ABL2: variants seen among roughly 807,000 people sequenced by gnomAD.
ABL2 encodes tyrosine-protein kinase ABL2.
Under a neutral mutation model 107.7 loss-of-function variants are expected in ABL2, and 49 were observed. The observed-to-expected ratio is 0.45, with a 90% confidence interval of 0.36 to 0.58. The LOEUF (loss-of-function observed/expected upper bound fraction) is 0.58. Ranked by LOEUF, ABL2 falls within the 20% of genes least tolerant of loss-of-function variation. The pLI, the probability that ABL2 is intolerant of heterozygous loss-of-function variation, is 0.00. For synonymous variants in ABL2, 549 were observed against 548.6 expected, an observed-to-expected ratio of 1.00 and a Z score of -0.01; for missense variants, 1,245 against 1,457.0, an observed-to-expected ratio of 0.85 and a Z score of 2.37.
At chr1:179,174,765 C>T (rs1053931948) in intron 1 of ABL2, among the ~76,000 whole-genome samples, 3 of 150,978 alleles carry the variant, frequency 2.0e-5, no homozygotes, top group African/African-American at 7.3e-5. Context: ...AGTGTTGGCA[C>T]GCACCTGTAA....
intron 6 of ABL2, 74 bp from the exon 7 acceptor site, chr1:179,118,838 A>AT: frequency 6.7e-7 from 1 of 1,503,004 alleles, no homozygotes; most frequent in South Asian, 1.2e-5. Context: ...GCCAAGAATA[A>AT]TTTGACAATT....
At chr1:179,143,766 G>C (rs953662061) in intron 1 of ABL2, among the ~76,000 whole-genome samples, 2 of 152,146 alleles carry the variant, frequency 1.3e-5, no homozygotes, top group Admixed American at 6.5e-5. Flanking sequence ...GCGCGATCTC[G>C]GCTCACTGCA....
Position 179,229,353 on chromosome 1 carries a change from C to T in ABL2, c.45G>A (p.Gln15=). 1.9e-6 allele frequency: 3 copies of T among 1,582,274 alleles called. No individual in the cohort carries two copies. Among genetic ancestry groups the T allele is most frequent in the East Asian group, 2.4e-5 (1 of 42,354 alleles). The change falls in exon 1 of 12, where the codon CAG becomes CAA. Residue 15 remains glutamine, a synonymous_variant. Coordinates refer to ENST00000502732, the MANE Select transcript of ABL2 (RefSeq NM_007314.4). ...CCCGGATCCCGCGGGGCTGAGGCTG[C>T]TGGAGCCCCGGAGCTTCCCCGACGC... ...VGRVGEAPGL[Q]QPQPRGIRGS...
chr1:179,203,911 C>A (rs1053789411), intron 1 of ABL2, among the ~76,000 whole-genome samples: 1 of 152,136 alleles, frequency 6.6e-6, no homozygotes, highest in African/African-American at 2.4e-5. Flanking sequence ...TATTTAACAT[C>A]CCAGTAATTC....
At chr1:179,113,580 A>G (rs868696249) in intron 9 of ABL2, among the ~76,000 whole-genome samples, 12 of 152,258 alleles carry the variant, frequency 7.9e-5, no homozygotes, top group African/African-American at 2.9e-4. Flanking sequence ...CGGGCAGATC[A>G]CTTGAGACCA....
intron 1 of ABL2, among the ~76,000 whole-genome samples, chr1:179,205,088 G>A (rs572880773): frequency 6.6e-5 from 10 of 150,484 alleles, no homozygotes; most frequent in Non-Finnish European, 8.9e-5. Context: ...GTGCAGTGGC[G>A]TGATCTTGGC....
intron 1 of ABL2, among the ~76,000 whole-genome samples, chr1:179,147,097 T>C (rs559496655): frequency 7.5e-6 from 1 of 133,200 alleles, no homozygotes; most frequent in East Asian, 2.3e-4. Context: ...GCTAAGAACA[T>C]GAACAGACAT....
intron 1 of ABL2, among the ~76,000 whole-genome samples, chr1:179,143,831 C>T (rs1043891288): frequency 4.6e-5 from 7 of 151,932 alleles, no homozygotes; most frequent in East Asian, 3.9e-4. Context: ...CAGGTGACTG[C>T]GATTACAGGC....
chr1:179,109,494 C>T, intron 11 of ABL2, 53 bp from the exon 12 acceptor site: 3 of 1,547,154 alleles, frequency 1.9e-6, no homozygotes, highest in South Asian at 1.3e-5. Flanking sequence ...GAATCTATTA[C>T]ATTTGAGTTA....
rs1655226691 is a variant in ABL2, at chr1:179,121,834, A to G, written c.721T>C (p.Leu241=). 9 of 1,612,884 alleles carry G rather than the reference A, an allele frequency of 5.6e-6. No individual in the cohort carries two copies. Among genetic ancestry groups the G allele is most frequent in the Non-Finnish European group, 7.6e-6 (9 of 1,179,472 alleles). Residue 241 remains leucine, a synonymous_variant, in exon 5 of 12, where the codon TTG becomes CTG. Transcript: ENST00000502732. ...YVTAESRFST[L]AELVHHHSTV... The stretch of plus-strand genomic sequence containing the variant: ...GAGTGATGGTGTACAAGCTCTGCCA[A>G]GGTGCTGAAGCGGCTCTCAGCAGTC...
At chr1:179,144,061 A>C (rs1240986717) in intron 1 of ABL2, among the ~76,000 whole-genome samples, 1 of 152,238 alleles carries the variant, frequency 6.6e-6, no homozygotes, top group Non-Finnish European at 1.5e-5. Flanking sequence ...AAAGTTAAAG[A>C]AAATTTAAAA....
At chr1:179,134,576 C>A (rs977405286) in intron 1 of ABL2, among the ~76,000 whole-genome samples, 1 of 152,134 alleles carries the variant, frequency 6.6e-6, no homozygotes, top group Non-Finnish European at 1.5e-5. Context: ...CCTATACTTA[C>A]AGTAGGAAAC....
intron 1 of ABL2, among the ~76,000 whole-genome samples, chr1:179,168,784 G>GTAT (rs987480984): frequency 5.3e-5 from 8 of 152,128 alleles, no homozygotes; most frequent in Admixed American, 6.5e-5. Flanking sequence ...TTTTAAGGAA[G>GTAT]TATGTGAACA....
At chr1:179,124,796 AC>A (rs2102641358) in intron 4 of ABL2, among the ~76,000 whole-genome samples, 1 of 152,184 alleles carries the variant, frequency 6.6e-6, no homozygotes, top group African/African-American at 2.4e-5. Flanking sequence ...ACAGAATCAC[AC>A]AATATGTATT....
At chr1:179,196,374 C>T (rs559948783) in intron 1 of ABL2, 1 of 152,200 alleles carries the variant, frequency 6.6e-6, no homozygotes, top group East Asian at 1.9e-4. Flanking sequence ...CATTTACAAG[C>T]CACAAATATG....
rs191264134 is a variant in ABL2, at chr1:179,139,906, C to T, written c.158-6532G>A. On this transcript the variant is annotated intron_variant, in intron 1 of 11. Coordinates refer to ENST00000502732, the MANE Select transcript of ABL2 (RefSeq NM_007314.4). ...GTGGAACAGTTTCATGTGAAACCAC[C>T]GCTCCCCACCCAGTCTGTGAAAAAA... Among the ~76,000 whole-genome samples the T allele has an allele frequency of 2.5e-3, 388 of 152,160 alleles. 2 individuals carry two copies. The highest frequency in any genetic ancestry group is 2.6e-3 in the Non-Finnish European group (179 of 68,006).
intron 1 of ABL2, among the ~76,000 whole-genome samples, chr1:179,178,316 T>C (rs564954649): frequency 6.8e-6 from 1 of 147,518 alleles, no homozygotes; most frequent in South Asian, 2.1e-4. Flanking sequence ...GAGGATTGCT[T>C]GCTTGAACCC....
At chr1:179,146,175 T>C (rs1033645454) in intron 1 of ABL2, among the ~76,000 whole-genome samples, 7 of 152,142 alleles carry the variant, frequency 4.6e-5, no homozygotes, top group African/African-American at 1.7e-4. Context: ...AGAACCAAAT[T>C]AGAAGCAGAA....
At chr1:179,142,953 G>T in intron 1 of ABL2, 6 of 1,614,222 alleles carry the variant, frequency 3.7e-6, no homozygotes, top group Non-Finnish European at 5.1e-6. Flanking sequence ...GGGTAGAGCA[G>T]ATTCTGAGGC....
Sources: allele counts gnomAD v4.1 joint callset (sites outside exome capture counted in the v4.1 genomes callset), GRCh38; gene constraint gnomAD v4.1.1; transcripts MANE v1.5; gene names NCBI Gene and HGNC (gene_info 2026-07-23, HGNC 2026-07-21).